Variants in QTMAN observed in about 807,000 individuals in gnomAD.
QTMAN encodes queuosine-tRNA mannosyltransferase, also known as tRNA-queuosine alpha-mannosyltransferase.
the QTMAN span, among the ~76,000 whole-genome samples, chr2:144,241,666 TTC>T: frequency 6.6e-6 from 1 of 152,202 alleles, no homozygotes; most frequent in Non-Finnish European, 1.5e-5. Context: ...CTTTCTTTTC[TTC>T]TGTTTTGTCT....
chr2:144,079,697 C>T, the QTMAN span, among the ~76,000 whole-genome samples: 4 of 151,940 alleles, frequency 2.6e-5, no homozygotes, highest in Non-Finnish European at 5.9e-5. Flanking sequence ...GATGTAATGG[C>T]CTATTAAATG....
At chr2:144,274,160 T>C in the QTMAN span, among the ~76,000 whole-genome samples, 1 of 152,152 alleles carries the variant, frequency 6.6e-6, no homozygotes, top group East Asian at 1.9e-4. Context: ...ATATTTGTTC[T>C]CTAACCATGG....
chr2:144,289,831 A>G, the QTMAN span, among the ~76,000 whole-genome samples: 1 of 152,246 alleles, frequency 6.6e-6, no homozygotes, highest in African/African-American at 2.4e-5. Context: ...TCAAAGACAC[A>G]ATAAGCTGAA....
chr2:144,297,894 A>T, the QTMAN span, among the ~76,000 whole-genome samples: 1 of 151,606 alleles, frequency 6.6e-6, no homozygotes, highest in Non-Finnish European at 1.5e-5. Flanking sequence ...TCCATCTCTT[A>T]AAAAAGAAAA....
the QTMAN span, among the ~76,000 whole-genome samples, chr2:144,192,395 A>G: frequency 6.6e-6 from 1 of 152,236 alleles, no homozygotes; most frequent in South Asian, 2.1e-4. Context: ...ACATAAGCCA[A>G]TGCACCTGGC....
the QTMAN span, among the ~76,000 whole-genome samples, chr2:144,100,322 G>C: frequency 4.9e-3 from 746 of 152,244 alleles, 19 homozygotes; most frequent in Admixed American, 0.034. Context: ...AGTTACACCA[G>C]CCAGATTATT....
the QTMAN span, among the ~76,000 whole-genome samples, chr2:144,133,910 A>T: frequency 6.6e-6 from 1 of 152,082 alleles, no homozygotes; most frequent in Non-Finnish European, 1.5e-5. Context: ...ATATTCAAGA[A>T]GACAGTGCCC....
the QTMAN span, among the ~76,000 whole-genome samples, chr2:144,231,843 G>GGTGTGTGTGTGTGTGTGTGTGT: frequency 7.2e-6 from 1 of 138,340 alleles, no homozygotes; most frequent in Non-Finnish European, 1.6e-5. Flanking sequence ...GAATGAAAGA[G>GGTGTGTGTGTGTGTGTGTGTGT]GTGTGTGTGT....
At chr2:144,240,315 G>C in the QTMAN span, among the ~76,000 whole-genome samples, 1 of 152,024 alleles carries the variant, frequency 6.6e-6, no homozygotes, top group South Asian at 2.1e-4. Context: ...GTGGTATTTT[G>C]CCCACTCTTA....
At chr2:144,266,153 A>C in the QTMAN span, among the ~76,000 whole-genome samples, 3 of 152,226 alleles carry the variant, frequency 2.0e-5, no homozygotes, top group Non-Finnish European at 4.4e-5. Context: ...TCAAGAGCAG[A>C]GTTCACTGTG....
the QTMAN span, among the ~76,000 whole-genome samples, chr2:144,217,649 A>G: frequency 3.3e-5 from 5 of 152,286 alleles, no homozygotes; most frequent in Admixed American, 1.3e-4. Flanking sequence ...CAACATAATC[A>G]TAACTCCTCT....
chr2:143,939,531 T>A, the QTMAN span: 1 of 152,198 alleles, frequency 6.6e-6, no homozygotes, highest in Non-Finnish European at 1.5e-5. Context: ...ATGGAATAAA[T>A]GCTTTTTTTG....
At chr2:143,970,866 G>A in the QTMAN span, 2 of 672,522 alleles carry the variant, frequency 3.0e-6, no homozygotes, top group Non-Finnish European at 5.4e-6. Flanking sequence ...GTCTACTGCT[G>A]GTTGGGGAGC....
At chr2:144,128,480 T>C in the QTMAN span, among the ~76,000 whole-genome samples, 1 of 152,068 alleles carries the variant, frequency 6.6e-6, no homozygotes, top group Non-Finnish European at 1.5e-5. Context: ...TTCTAAGAAA[T>C]TTCTGAATAC....
the QTMAN span, among the ~76,000 whole-genome samples, chr2:144,113,580 AG>A: frequency 6.6e-6 from 1 of 152,250 alleles, no homozygotes; most frequent in East Asian, 1.9e-4. Flanking sequence ...ATTTGGCAAA[AG>A]CCAAGATCTG....
chr2:144,054,872 T>A, the QTMAN span, among the ~76,000 whole-genome samples: 1 of 152,338 alleles, frequency 6.6e-6, no homozygotes, highest in East Asian at 1.9e-4. Context: ...CATTAGCTCC[T>A]AATGTTGACA....
chr2:144,128,948 C>T, the QTMAN span, among the ~76,000 whole-genome samples: 126 of 151,578 alleles, frequency 8.3e-4, no homozygotes, highest in African/African-American at 2.9e-3. Context: ...CTTGTCTTCT[C>T]CTTGTCTTTT....
the QTMAN span, chr2:144,177,025 G>A: frequency 1.6e-6 from 1 of 632,500 alleles, no homozygotes. Flanking sequence ...AGAGTGGTGG[G>A]AGGTGCCAGA....
the QTMAN span, among the ~76,000 whole-genome samples, chr2:144,078,747 T>G: frequency 6.6e-6 from 1 of 152,156 alleles, no homozygotes; most frequent in Non-Finnish European, 1.5e-5. Context: ...GAATACTTCC[T>G]TTGGCATCTT....
Sources: allele counts gnomAD v4.1 joint callset (sites outside exome capture counted in the v4.1 genomes callset), GRCh38; gene constraint gnomAD v4.1.1; transcripts MANE v1.5; gene names NCBI Gene and HGNC (gene_info 2026-07-23, HGNC 2026-07-21).